Variants in TET3 observed in about 807,000 individuals in gnomAD.
TET3 encodes the protein tet methylcytosine dioxygenase 3.
Under a neutral mutation model 141.4 loss-of-function variants are expected in TET3, and 19 were observed. The ratio of observed to expected loss-of-function variants is 0.13; its 90% CI spans 0.09 to 0.20. The LOEUF (loss-of-function observed/expected upper bound fraction) is 0.20. Among genes scored for constraint, TET3 ranks in the 10% least tolerant of loss-of-function variants. The probability of loss-of-function intolerance (pLI) is 1.00; values close to 1 mark genes in which losing one functional copy is unlikely to be tolerated. For missense variants in TET3, 1,874 were observed against 2,356.9 expected (o/e 0.80, Z 4.24); for synonymous variants, 1,043 against 980.9 (o/e 1.06, Z -1.18).
chr2:73,994,847 G>T (rs1246864023), intron 2 of TET3, among the ~76,000 whole-genome samples: 1 of 151,954 alleles, frequency 6.6e-6, no homozygotes, highest in Admixed American at 6.6e-5. Context: ...ATGTTGGCCA[G>T]GCTGGTCTCG....
At chr2:74,052,960 A>G (rs1477271040) in intron 4 of TET3, among the ~76,000 whole-genome samples, 1 of 152,184 alleles carries the variant, frequency 6.6e-6, no homozygotes, top group African/African-American at 2.4e-5. Context: ...GAGCATCACC[A>G]TGTAACCAAA....
At chr2:74,010,771 T>G (rs6546884) in intron 3 of TET3, among the ~76,000 whole-genome samples, 2 of 152,032 alleles carry the variant, frequency 1.3e-5, no homozygotes, top group African/African-American at 4.8e-5. Context: ...GATAATTTTA[T>G]TGATCAATAC....
intron 2 of TET3, 107 bp from the exon 3 acceptor site, chr2:74,003,003 C>G: frequency 8.3e-7 from 1 of 1,205,812 alleles, no homozygotes; most frequent in Non-Finnish European, 1.2e-6. Context: ...TGTATCCCCT[C>G]CCGTTCGCCT....
intron 2 of TET3, among the ~76,000 whole-genome samples, chr2:73,990,917 G>A (rs1203246132): frequency 1.3e-5 from 2 of 152,148 alleles, no homozygotes; most frequent in Non-Finnish European, 2.9e-5. Context: ...AGAATCTTTA[G>A]AGAAAGGGAC....
the TET3 span, among the ~76,000 whole-genome samples, chr2:74,128,814 T>TCTA: frequency 4.0e-5 from 6 of 150,394 alleles, no homozygotes; most frequent in Non-Finnish European, 8.8e-5. Flanking sequence ...AGACCTCAAC[T>TCTA]CTACAACAAC....
Position 74,088,024 on chromosome 2 carries a change from C to G in TET3, c.2874C>G (p.Cys958Trp). ...RKYGNPTSRR[C>W]GLNDDRTCAC... Reference sequence around the variant, plus strand: ...ATGGGAACCCCACCAGCCGGAGATGCGGCCTCAACGATGAGTATGTAGCAG... The same window carrying G: ...ATGGGAACCCCACCAGCCGGAGATGGGGCCTCAACGATGAGTATGTAGCAG... Residue 958 changes from cysteine to tryptophan, a missense_variant, in exon 7 of 12, where the codon TGC becomes TGG. Around this residue, in one of 10 missense-constraint regions of TET3, gnomAD observed 126 missense variants for 327.4 expected, o/e 0.38. Coordinates refer to ENST00000409262, the MANE Select transcript of TET3 (RefSeq NM_001287491.2). 1 of 1,559,304 alleles carries G rather than the reference C, an allele frequency of 6.4e-7. No homozygotes were observed. Among genetic ancestry groups the G allele is most frequent in the Non-Finnish European group, 8.7e-7 (1 of 1,151,708 alleles).
intron 3 of TET3, among the ~76,000 whole-genome samples, chr2:74,011,574 G>A (rs78717558): frequency 0.023 from 3,453 of 152,276 alleles, 141 homozygotes; most frequent in African/African-American, 0.079. Context: ...CACCCTTCCA[G>A]CTCCTCCCCG....
In TET3 at chr2:74,002,615, G is replaced by A. The variant is rs774444436; in HGVS notation, c.304-495G>A. 3.1e-3 allele frequency: 1,096 copies of A among 350,406 alleles called. 5 individuals are homozygous for A. Among genetic ancestry groups the A allele is most frequent in the Non-Finnish European group, 4.7e-3 (927 of 195,772 alleles). The allele number at this position is 350,406 out of a possible 1,614,324, so 21.7% of individuals were successfully genotyped here. On this transcript the variant is annotated intron_variant, in intron 2 of 11. Coordinates refer to ENST00000409262, the MANE Select transcript of TET3 (RefSeq NM_001287491.2). ...CCGGCTGGGCAGGTCCACCAGGCGG[G>A]GGCAGGGCCGGCCGCGGGGATTGGC...
In TET3 at chr2:74,106,145, C is replaced by T. The variant is rs1453380459; in HGVS notation, c.*3969C>T. ...TGCTGTCTTAGACCCGTTTACCGTG[C>T]TATAATCTGCTCTGAGCAGTGTTGT... On this transcript the variant is annotated 3_prime_UTR_variant, in exon 12 of 12. Coordinates refer to ENST00000409262, the MANE Select transcript of TET3 (RefSeq NM_001287491.2). 6 of 151,240 alleles carry T rather than the reference C, an allele frequency of 4.0e-5. No individual in the cohort carries two copies. Among genetic ancestry groups the T allele is most frequent in the African/African-American group, 1.5e-4 (6 of 41,072 alleles). 9.4% of individuals were successfully genotyped at this position (151,240 alleles called of 1,614,324 possible).
chr2:74,042,197 A>T lies in TET3; in HGVS notation c.361-4081A>T, dbSNP rs746397552. Among the ~76,000 whole-genome samples the T allele has an allele frequency of 8.7e-4, 133 of 152,354 alleles. 1 individual carries two copies. Among genetic ancestry groups the T allele is most frequent in the Non-Finnish European group, 1.4e-3 (97 of 68,032 alleles). On this transcript the variant is annotated intron_variant, in intron 3 of 11. Coordinates refer to ENST00000409262, the MANE Select transcript of TET3 (RefSeq NM_001287491.2). ...CTCTGTAGCTGGCCTCAAAAGGGTCATGGCAGACCTTGTGAAACTTGAACA... is the reference window on the plus strand; with the variant it reads ...CTCTGTAGCTGGCCTCAAAAGGGTCTTGGCAGACCTTGTGAAACTTGAACA...
chr2:74,103,308 G>C lies in TET3; in HGVS notation c.*1132G>C, dbSNP rs1435522492. The C allele has an allele frequency of 6.6e-6, 1 of 152,552 alleles. No individual in the cohort carries two copies. The highest frequency in any genetic ancestry group is 1.5e-5 in the Non-Finnish European group (1 of 68,232). 9.4% of individuals were successfully genotyped at this position (152,552 alleles called of 1,614,324 possible). On this transcript the variant is annotated 3_prime_UTR_variant, in exon 12 of 12. Coordinates refer to ENST00000409262, the MANE Select transcript of TET3 (RefSeq NM_001287491.2). ...TGTAGTGTTGTGCTGGGACTTTCTT[G>C]ACTCTTGGGCAGGTCACATCCTACA...
chr2:74,064,832 T>TA (rs776201063), intron 4 of TET3, among the ~76,000 whole-genome samples: 56 of 152,200 alleles, frequency 3.7e-4, no homozygotes, highest in Non-Finnish European at 7.5e-4. Flanking sequence ...CACAAATACA[T>TA]AAAATATATG....
intron 3 of TET3, among the ~76,000 whole-genome samples, chr2:74,025,898 G>A (rs1242198397): frequency 6.6e-6 from 1 of 152,104 alleles, no homozygotes; most frequent in East Asian, 1.9e-4. Flanking sequence ...GAGGCCAGGA[G>A]TTTGAGAGCA....
At chr2:74,069,300 T>C (rs1689075470) in intron 4 of TET3, among the ~76,000 whole-genome samples, 1 of 150,984 alleles carries the variant, frequency 6.6e-6, no homozygotes, top group Non-Finnish European at 1.5e-5. Context: ...AGGTATCTTA[T>C]GTGTAGGTCT....
At position 74,003,262 on chromosome 2, in the gene TET3, T is replaced by C. The variant is rs1684960177; in HGVS notation, c.360+96T>C. 1.0e-5 allele frequency: 15 copies of C among 1,463,936 alleles called. No individual in the cohort carries two copies. In the East Asian group the frequency reaches 3.8e-4, roughly 37 times the overall value. The allele number at this position is 1,463,936 out of a possible 1,614,324, so 90.7% of individuals were successfully genotyped here. ...AAAAATAAAGGGTCTCCTCTGGTGATCCCTTAATCTCCCACTGTGTGTGTA... is the reference window on the plus strand; with the variant it reads ...AAAAATAAAGGGTCTCCTCTGGTGACCCCTTAATCTCCCACTGTGTGTGTA... On this transcript the variant is annotated intron_variant, in intron 3 of 11. Transcript: ENST00000409262.
intron 1 of TET3, among the ~76,000 whole-genome samples, chr2:73,985,594 T>C (rs1683981614): frequency 6.6e-6 from 1 of 150,896 alleles, no homozygotes; most frequent in Admixed American, 6.6e-5. Flanking sequence ...GCCGGGGCAG[T>C]CCCGCCGAGC....
the TET3 span, among the ~76,000 whole-genome samples, chr2:74,131,095 C>T: frequency 6.6e-6 from 1 of 152,168 alleles, no homozygotes; most frequent in South Asian, 2.1e-4. Context: ...CTCCGCTCTC[C>T]CGTTCCCTCA....
intron 2 of TET3, among the ~76,000 whole-genome samples, chr2:73,997,586 C>G (rs1005704048): frequency 6.6e-6 from 1 of 152,132 alleles, no homozygotes; most frequent in Non-Finnish European, 1.5e-5. Flanking sequence ...CTGGTGTATC[C>G]TGGGTCCCAG....
At chr2:74,003,516 T>C (rs1269396876) in intron 3 of TET3, among the ~76,000 whole-genome samples, 1 of 121,710 alleles carries the variant, frequency 8.2e-6, no homozygotes, top group Admixed American at 1.0e-4. Flanking sequence ...ACTGTTGGTT[T>C]GCATCCAATC....
Sources: allele counts gnomAD v4.1 joint callset (sites outside exome capture counted in the v4.1 genomes callset), GRCh38; gene constraint gnomAD v4.1.1; regional missense constraint gnomAD v4.1.1; transcripts MANE v1.5; gene names NCBI Gene and HGNC (gene_info 2026-07-23, HGNC 2026-07-21).